GABRB2: variants seen among roughly 807,000 people sequenced by gnomAD.
The protein encoded by GABRB2 is gamma-aminobutyric acid type A receptor subunit beta2.
A neutral mutation model predicts 54.7 loss-of-function variants in GABRB2; 16 were observed. That is an observed-to-expected ratio of 0.29 (90% CI 0.20 to 0.44). GABRB2 has a LOEUF of 0.44. GABRB2 is among the 20% of genes least tolerant of loss of function. The pLI, the probability that GABRB2 is intolerant of heterozygous loss-of-function variation, is 1.00. For missense variants in GABRB2, 355 were observed against 644.0 expected, an observed-to-expected ratio of 0.55 and a Z score of 4.86; for synonymous variants, 244 against 233.8, an observed-to-expected ratio of 1.04 and a Z score of -0.40.
At chr5:161,422,491 G>C (rs1580972696) in intron 4 of GABRB2, among the ~76,000 whole-genome samples, 2 of 152,058 alleles carry the variant, frequency 1.3e-5, no homozygotes, top group East Asian at 3.9e-4. Context: ...TAGCATACAG[G>C]AAATCAAGTT....
At chr5:161,374,068 C>T (rs1276370710) in intron 5 of GABRB2, among the ~76,000 whole-genome samples, 1 of 152,124 alleles carries the variant, frequency 6.6e-6, no homozygotes, top group African/African-American at 2.4e-5. Flanking sequence ...CTCAGCTTTC[C>T]TGAGTAGCTA....
chr5:161,444,990 A>G (rs2113219320), intron 4 of GABRB2, among the ~76,000 whole-genome samples: 1 of 152,276 alleles, frequency 6.6e-6, no homozygotes, highest in East Asian at 1.9e-4. Context: ...ACTGATAAAC[A>G]GAGTCAGGAG....
chr5:161,340,618 C>T (rs1367472731), intron 5 of GABRB2, among the ~76,000 whole-genome samples: 2 of 151,590 alleles, frequency 1.3e-5, no homozygotes, highest in African/African-American at 2.4e-5. Context: ...GTTTCTCAAC[C>T]TGTAAATTGC....
At chr5:161,457,044 A>G (rs1361438697) in intron 4 of GABRB2, among the ~76,000 whole-genome samples, 1 of 152,240 alleles carries the variant, frequency 6.6e-6, no homozygotes, top group Non-Finnish European at 1.5e-5. Flanking sequence ...TCTGATATGC[A>G]TAAATTTCTC....
intron 4 of GABRB2, among the ~76,000 whole-genome samples, chr5:161,452,999 C>T (rs1408022622): frequency 1.3e-4 from 20 of 151,998 alleles, no homozygotes; most frequent in Admixed American, 1.2e-3. Context: ...CTGTCTCACA[C>T]ACAAAAAAAT....
intron 9 of GABRB2, among the ~76,000 whole-genome samples, chr5:161,306,667 CAG>C (rs1757699773): frequency 6.6e-6 from 1 of 152,054 alleles, no homozygotes; most frequent in African/African-American, 2.4e-5. Flanking sequence ...AGTGCCAAAA[CAG>C]AGATCTTGAA....
Position 161,325,196 on chromosome 5 carries a change from A to C in GABRB2, c.1191+1172T>G, listed in dbSNP as rs963539065. 2.8e-4 allele frequency among the ~76,000 whole-genome samples: 43 copies of C among 152,114 alleles called. 2 individuals are homozygous for C. The highest frequency in any genetic ancestry group is 2.9e-5 in the Non-Finnish European group (2 of 67,980). ...ATGCCCAATCAAATCAGTCTACTTTAATTTCAACAAGCGTAACTAAAGTTA... is the reference window on the plus strand; with the variant it reads ...ATGCCCAATCAAATCAGTCTACTTTCATTTCAACAAGCGTAACTAAAGTTA... On this transcript the variant is annotated intron_variant, in intron 9 of 9. Transcript: ENST00000393959.
intron 5 of GABRB2, among the ~76,000 whole-genome samples, chr5:161,376,204 A>G (rs114424085): frequency 0.023 from 3,545 of 152,262 alleles, 134 homozygotes; most frequent in African/African-American, 0.08. Context: ...TTAAGCAGAA[A>G]TAGAAAAATA....
At chr5:161,319,379 T>C (rs1758141764) in intron 9 of GABRB2, among the ~76,000 whole-genome samples, 1 of 148,264 alleles carries the variant, frequency 6.7e-6, no homozygotes, top group East Asian at 1.9e-4. Context: ...TTTTGGTATC[T>C]ATGGAAAGGC....
intron 3 of GABRB2, among the ~76,000 whole-genome samples, chr5:161,506,564 C>CATTCATTTATATAT (rs1759611804): frequency 6.6e-6 from 1 of 152,136 alleles, no homozygotes; most frequent in East Asian, 1.9e-4. Context: ...TAGCCACAGC[C>CATTCATTTATATAT]ATTCATTTAT....
chr5:161,522,211 G>A (rs1760136716), intron 3 of GABRB2, among the ~76,000 whole-genome samples: 1 of 151,756 alleles, frequency 6.6e-6, no homozygotes, highest in African/African-American at 2.4e-5. Context: ...TCACACATTT[G>A]AGATTAGACA....
rs75873520 is a variant in GABRB2 at position 161,479,188 on chromosome 5, A to G, written c.238-19344T>C. ...ATGCAAAGACAATGTTTTTTAAAAA[A>G]TTGACACCAAAGTGTCTTTGGGCAC... On this transcript the variant is annotated intron_variant, in intron 3 of 9. Coordinates refer to ENST00000393959, the MANE Select transcript of GABRB2 (RefSeq NM_001371727.1). 1.9e-3 allele frequency among the ~76,000 whole-genome samples: 289 copies of G among 152,172 alleles called. 1 individual carries two copies. Among genetic ancestry groups the G allele is most frequent in the Non-Finnish European group, 2.9e-3 (195 of 67,964 alleles).
chr5:161,423,328 T>C (rs1479658239), intron 4 of GABRB2, among the ~76,000 whole-genome samples: 1 of 152,176 alleles, frequency 6.6e-6, no homozygotes, highest in Non-Finnish European at 1.5e-5. Context: ...TATTGTGCTT[T>C]GCTTTATTGC....
intron 3 of GABRB2, among the ~76,000 whole-genome samples, chr5:161,465,323 C>T (rs1758248084): frequency 6.6e-6 from 1 of 152,076 alleles, no homozygotes; most frequent in South Asian, 2.1e-4. Flanking sequence ...TAGGGCTCCA[C>T]CAGGACAGGC....
intron 4 of GABRB2, among the ~76,000 whole-genome samples, chr5:161,424,556 A>G (rs1756943383): frequency 6.6e-6 from 1 of 152,164 alleles, no homozygotes; most frequent in Admixed American, 6.6e-5. Context: ...TTTTAAGCCT[A>G]CTGTTGAGAC....
intron 5 of GABRB2, among the ~76,000 whole-genome samples, chr5:161,396,649 A>G (rs1206715407): frequency 6.6e-6 from 1 of 152,156 alleles, no homozygotes; most frequent in Non-Finnish European, 1.5e-5. Context: ...TTATTAAATA[A>G]ATGAGAGAGT....
chr5:161,370,015 A>T (rs1755086952), intron 5 of GABRB2, among the ~76,000 whole-genome samples: 1 of 152,106 alleles, frequency 6.6e-6, no homozygotes, highest in Non-Finnish European at 1.5e-5. Context: ...TCTGGGTAAG[A>T]TCTAAGTTAT....
chr5:161,468,823 CTGTTA>C (rs1321887388), intron 3 of GABRB2, among the ~76,000 whole-genome samples: 2 of 151,768 alleles, frequency 1.3e-5, no homozygotes, highest in Non-Finnish European at 2.9e-5. Flanking sequence ...AAAAAACTTA[CTGTTA>C]TATTAGCAAT....
At chr5:161,314,689 CCT>C (rs1757973023) in intron 9 of GABRB2, among the ~76,000 whole-genome samples, 1 of 151,842 alleles carries the variant, frequency 6.6e-6, no homozygotes, top group Non-Finnish European at 1.5e-5. Flanking sequence ...CTCTCTCCCC[CCT>C]CTTTCTGCCA....
Sources: gnomAD v4.1 joint callset for allele counts (sites outside exome capture counted in the v4.1 genomes callset) on GRCh38, gnomAD v4.1.1 for gene constraint, MANE v1.5 for transcripts, NCBI Gene and HGNC (gene_info 2026-07-23, HGNC 2026-07-21) for gene names.